B4GALT6: variants seen among roughly 807,000 people sequenced by gnomAD.
B4GALT6 encodes beta-1,4-galactosyltransferase 6.
A neutral mutation model predicts 46.3 loss-of-function variants in B4GALT6; 14 were observed. The observed-to-expected ratio is 0.30, with a 90% CI of 0.20 to 0.47. The LOEUF (loss-of-function observed/expected upper bound fraction) is 0.47, where lower values mean the gene tolerates loss of function less well. Among genes scored for constraint, B4GALT6 ranks in the 20% least tolerant of loss-of-function variants. B4GALT6 has a pLI of 0.99. For missense variants in B4GALT6, 386 were observed against 480.1 expected, an observed-to-expected ratio of 0.80 and a Z score of 1.83; for synonymous variants, 168 against 162.0, an observed-to-expected ratio of 1.04 and a Z score of -0.28.
chr18:31,724,359 G>C, the B4GALT6 span: 1 of 1,023,294 alleles, frequency 9.8e-7, no homozygotes, highest in Non-Finnish European at 1.3e-6. Flanking sequence ...AGTGGGTCCA[G>C]GACCCGCTCC....
At chr18:31,656,617 G>A (rs1241887096) in intron 3 of B4GALT6, among the ~76,000 whole-genome samples, 1 of 151,740 alleles carries the variant, frequency 6.6e-6, no homozygotes, top group East Asian at 1.9e-4. Context: ...AGGAAATAAA[G>A]GTATTTATCT....
intron 1 of B4GALT6, among the ~76,000 whole-genome samples, chr18:31,676,684 A>G (rs2074418627): frequency 6.6e-6 from 1 of 152,220 alleles, no homozygotes; most frequent in Admixed American, 6.5e-5. Context: ...GATTAGTTCT[A>G]TGAAATATCA....
At chr18:31,650,627 G>A (rs1275696637) in intron 3 of B4GALT6, among the ~76,000 whole-genome samples, 2 of 152,156 alleles carry the variant, frequency 1.3e-5, no homozygotes, top group Non-Finnish European at 2.9e-5. Flanking sequence ...TAGCCACCCA[G>A]GTTGTCTCTG....
chr18:31,627,328 A>G (rs954889950), intron 6 of B4GALT6, among the ~76,000 whole-genome samples: 1 of 152,116 alleles, frequency 6.6e-6, no homozygotes, highest in African/African-American at 2.4e-5. Context: ...TGTTAAATGT[A>G]AAGCACTTAT....
At chr18:31,693,170 A>G in the B4GALT6 span, among the ~76,000 whole-genome samples, 1 of 152,224 alleles carries the variant, frequency 6.6e-6, no homozygotes, top group East Asian at 1.9e-4. Flanking sequence ...CAATGCATAT[A>G]AAAATGATTT....
chr18:31,633,679 T>C (rs1450582430), intron 5 of B4GALT6, among the ~76,000 whole-genome samples: 1 of 152,144 alleles, frequency 6.6e-6, no homozygotes, highest in Non-Finnish European at 1.5e-5. Flanking sequence ...ACCTCTTTGC[T>C]CAAACACACC....
chr18:31,624,565 T>C lies in B4GALT6; in HGVS notation c.*1049A>G, dbSNP rs2073662039. ...AATAGAATATTTAATTCTTATCTAA[T>C]AGTATAATTCATTTGTATATTATAA... On this transcript the variant is annotated 3_prime_UTR_variant, in exon 9 of 9. Transcript: ENST00000306851. 6.6e-6 allele frequency: 1 copy of C among 152,062 alleles called. No homozygotes were observed. The highest frequency in any genetic ancestry group is 2.4e-5 in the African/African-American group (1 of 41,456). 9.4% of individuals were successfully genotyped at this position (152,062 alleles called of 1,614,324 possible).
chr18:31,690,801 T>G (rs370156238), upstream of B4GALT6, among the ~76,000 whole-genome samples: 1 of 152,200 alleles, frequency 6.6e-6, no homozygotes, highest in Non-Finnish European at 1.5e-5. Flanking sequence ...AAAAGTCATT[T>G]TCTTACTACA....
At chr18:31,672,352 A>G (rs777071170) in intron 1 of B4GALT6, among the ~76,000 whole-genome samples, 15 of 152,222 alleles carry the variant, frequency 9.9e-5, no homozygotes, top group Non-Finnish European at 2.2e-4. Flanking sequence ...AGGGCTAGAA[A>G]TACCATTTGG....
intron 1 of B4GALT6, among the ~76,000 whole-genome samples, chr18:31,676,358 C>G (rs2074415118): frequency 6.6e-6 from 1 of 152,092 alleles, no homozygotes; most frequent in Non-Finnish European, 1.5e-5. Flanking sequence ...ACTTTTCTAG[C>G]CAAATGCTAG....
chr18:31,695,436 G>A, the B4GALT6 span, among the ~76,000 whole-genome samples: 1 of 152,122 alleles, frequency 6.6e-6, no homozygotes, highest in African/African-American at 2.4e-5. Context: ...GGACACAGCA[G>A]AATTCTTTGT....
In B4GALT6 at chr18:31,623,985, ATTTT is replaced by A. The variant is rs2073652950; in HGVS notation, c.*1625_*1628del. The A allele has an allele frequency of 6.6e-6, 1 of 152,032 alleles. No homozygotes were observed. Among genetic ancestry groups the A allele is most frequent in the Non-Finnish European group, 1.5e-5 (1 of 67,874 alleles). The allele number at this position is 152,032 out of a possible 1,614,324, so 9.4% of individuals were successfully genotyped here. On this transcript the variant is annotated 3_prime_UTR_variant, in exon 9 of 9. Coordinates refer to ENST00000306851, the MANE Select transcript of B4GALT6 (RefSeq NM_004775.5). The stretch of plus-strand genomic sequence containing the variant: ...TGAACATTCACTTTATAGATATTTA[ATTTT>A]TTGTTTAAAATTTGTGAAAATATCA...
intron 3 of B4GALT6, among the ~76,000 whole-genome samples, chr18:31,653,744 C>A (rs1474233734): frequency 6.6e-6 from 1 of 152,056 alleles, no homozygotes; most frequent in East Asian, 1.9e-4. Flanking sequence ...CCACGCCCGG[C>A]CTCATAATCT....
the B4GALT6 span, among the ~76,000 whole-genome samples, chr18:31,691,936 CT>C: frequency 0.095 from 14,473 of 152,042 alleles, 907 homozygotes; most frequent in Middle Eastern, 0.15. Flanking sequence ...AGAAACTGAC[CT>C]TTTCAGTCAG....
intron 4 of B4GALT6, among the ~76,000 whole-genome samples, chr18:31,643,553 C>A (rs1222366953): frequency 6.6e-6 from 1 of 152,124 alleles, no homozygotes; most frequent in Non-Finnish European, 1.5e-5. Context: ...CCCACCTCAG[C>A]CTCCCAAAGT....
At chr18:31,667,309 G>GA (rs527602767) in intron 1 of B4GALT6, among the ~76,000 whole-genome samples, 61 of 152,282 alleles carry the variant, frequency 4.0e-4, no homozygotes, top group African/African-American at 1.5e-3. Flanking sequence ...ACTCCATTCA[G>GA]ATGAGAGGCA....
chr18:31,666,999 A>G (rs1177991521), intron 1 of B4GALT6, among the ~76,000 whole-genome samples: 1 of 152,196 alleles, frequency 6.6e-6, no homozygotes, highest in Non-Finnish European at 1.5e-5. Context: ...TGTATTTTTA[A>G]AGCAGCTCAA....
the B4GALT6 span, chr18:31,724,492 A>T: frequency 9.9e-7 from 1 of 1,013,274 alleles, no homozygotes; most frequent in Non-Finnish European, 1.2e-6. Context: ...AGCTTTGATT[A>T]CCTGGGGTCT....
At chr18:31,711,688 C>T in the B4GALT6 span, among the ~76,000 whole-genome samples, 1 of 152,278 alleles carries the variant, frequency 6.6e-6, no homozygotes, top group South Asian at 2.1e-4. Context: ...TTATACATGA[C>T]TTTCCTACTG....
Sources: gnomAD v4.1 joint callset for allele counts (sites outside exome capture counted in the v4.1 genomes callset) on GRCh38, gnomAD v4.1.1 for gene constraint, MANE v1.5 for transcripts, NCBI Gene and HGNC (gene_info 2026-07-23, HGNC 2026-07-21) for gene names.